ZFPM2: variants seen among roughly 807,000 people sequenced by gnomAD.
The protein encoded by ZFPM2 is zinc finger protein, FOG family member 2.
A neutral mutation model predicts 98.6 loss-of-function variants in ZFPM2; 20 were observed. That is an observed-to-expected ratio of 0.20 (90% CI 0.14 to 0.29). ZFPM2 has a LOEUF of 0.29. ZFPM2 is among the 10% of genes least tolerant of loss of function. The probability of loss-of-function intolerance (pLI) is 1.00; values close to 1 mark genes in which losing one functional copy is unlikely to be tolerated. For synonymous variants in ZFPM2, 518 were observed against 502.7 expected (o/e 1.03, Z -0.41); for missense variants, 1,310 against 1,388.6 (o/e 0.94, Z 0.90).
chr8:105,761,586 A>G (rs780649766), intron 5 of ZFPM2, among the ~76,000 whole-genome samples: 9 of 151,910 alleles, frequency 5.9e-5, no homozygotes, highest in Non-Finnish European at 1.2e-4. Flanking sequence ...TGCCCCAAGA[A>G]TATCAGGATG....
intron 3 of ZFPM2, among the ~76,000 whole-genome samples, chr8:105,506,117 T>C (rs1485558563): frequency 1.3e-5 from 2 of 152,162 alleles, no homozygotes; most frequent in African/African-American, 4.8e-5. Flanking sequence ...ATGTCTCTTA[T>C]CTTTTTTGGC....
intron 3 of ZFPM2, among the ~76,000 whole-genome samples, chr8:105,461,027 T>C (rs1326326685): frequency 6.6e-6 from 1 of 152,068 alleles, no homozygotes; most frequent in East Asian, 1.9e-4. Flanking sequence ...ATTATTCATT[T>C]ATAAAAAAAT....
intron 5 of ZFPM2, chr8:105,662,740 C>T (rs1202268170): frequency 6.6e-6 from 1 of 151,526 alleles, no homozygotes; most frequent in African/African-American, 2.4e-5. Context: ...AAGGATTACT[C>T]AATATACTAA....
intron 2 of ZFPM2, among the ~76,000 whole-genome samples, chr8:105,422,154 T>C (rs1449272905): frequency 6.6e-6 from 1 of 151,022 alleles, no homozygotes; most frequent in African/African-American, 2.4e-5. Context: ...AAAGTATTTT[T>C]AGGCCGGGCG....
At chr8:105,619,978 G>A (rs111703863) in intron 4 of ZFPM2, among the ~76,000 whole-genome samples, 14,883 of 152,114 alleles carry the variant, frequency 0.098, 961 homozygotes, top group Middle Eastern at 0.21. Context: ...TGTGAATAGT[G>A]CTGCAATAAA....
At chr8:105,690,366 G>A (rs1041549420) in intron 5 of ZFPM2, among the ~76,000 whole-genome samples, 4 of 152,112 alleles carry the variant, frequency 2.6e-5, no homozygotes, top group African/African-American at 9.7e-5. Flanking sequence ...CTTAACAATT[G>A]AGGAAACAGA....
chr8:105,416,834 GTT>G (rs1811689097), intron 1 of ZFPM2, among the ~76,000 whole-genome samples: 1 of 152,008 alleles, frequency 6.6e-6, no homozygotes, highest in Non-Finnish European at 1.5e-5. Context: ...CAGCAAGAGA[GTT>G]TTCCATTTTT....
intron 3 of ZFPM2, among the ~76,000 whole-genome samples, chr8:105,444,766 A>G (rs1812333935): frequency 6.6e-6 from 1 of 152,216 alleles, no homozygotes; most frequent in East Asian, 1.9e-4. Context: ...TTTAAATCAT[A>G]GGTTGAACCT....
chr8:105,626,478 T>G (rs1816657444), intron 4 of ZFPM2, among the ~76,000 whole-genome samples: 1 of 152,108 alleles, frequency 6.6e-6, no homozygotes, highest in African/African-American at 2.4e-5. Flanking sequence ...TGTGTAAAAT[T>G]TTGTGTGGTT....
intron 2 of ZFPM2, among the ~76,000 whole-genome samples, chr8:105,442,377 A>C (rs1380286047): frequency 2.6e-5 from 4 of 151,788 alleles, no homozygotes; most frequent in African/African-American, 7.3e-5. Flanking sequence ...AAAAAACAAC[A>C]AAAAAAACTT....
In ZFPM2 at chr8:105,801,165, T is replaced by G; in HGVS notation, c.1083T>G (p.Ala361=). ...ACCTGTTCTCCCATCTCACTCAAGC[T>G]GCCTTCCGATGTAATCACTGCCATT... ...HQHLFSHLTQ[A]AFRCNHCHFG... is the part of the protein sequence containing the mutation. Residue 361 remains alanine, a synonymous_variant, in exon 8 of 8, where the codon GCT becomes GCG. Transcript: ENST00000407775. 6.2e-7 allele frequency: 1 copy of G among 1,613,970 alleles called. No individual in the cohort carries two copies. The highest frequency in any genetic ancestry group is 8.5e-7 in the Non-Finnish European group (1 of 1,179,876).
chr8:105,428,325 T>C (rs76911312), intron 2 of ZFPM2, among the ~76,000 whole-genome samples: 7,452 of 152,280 alleles, frequency 0.049, 619 homozygotes, highest in African/African-American at 0.17. Flanking sequence ...TTAGGGATGT[T>C]CTTAAAATAT....
intron 6 of ZFPM2, among the ~76,000 whole-genome samples, chr8:105,796,552 A>T (rs984059742): frequency 2.6e-5 from 4 of 152,202 alleles, no homozygotes; most frequent in African/African-American, 9.7e-5. Context: ...CTCTATTATT[A>T]TACTTACTAT....
At position 105,587,733 on chromosome 8, in the gene ZFPM2, G is replaced by A. The variant is rs568779945; in HGVS notation, c.420+26252G>A. Among the ~76,000 whole-genome samples, 8 of 152,250 alleles carry A rather than the reference G, an allele frequency of 5.3e-5. No homozygotes were observed. In the South Asian group the frequency reaches 1.7e-3, roughly 32 times the overall value. On this transcript the variant is annotated intron_variant, in intron 4 of 7. Transcript: ENST00000407775. Reference sequence around the variant, plus strand: ...TTATAGGTTAGTTATATGGAATAAAGAGTGTTTCTCAACCTTGGTGCTGCT... The same window carrying A: ...TTATAGGTTAGTTATATGGAATAAAAAGTGTTTCTCAACCTTGGTGCTGCT...
intron 5 of ZFPM2, among the ~76,000 whole-genome samples, chr8:105,700,908 T>C (rs1349777687): frequency 2.6e-5 from 4 of 152,196 alleles, no homozygotes; most frequent in Non-Finnish European, 5.9e-5. Flanking sequence ...TCAGTTCTAA[T>C]ATGACACCAC....
intron 1 of ZFPM2, among the ~76,000 whole-genome samples, chr8:105,321,051 T>C (rs1376320928): frequency 6.6e-6 from 1 of 152,168 alleles, no homozygotes; most frequent in Non-Finnish European, 1.5e-5. Context: ...CTTCTTCCAT[T>C]CCACCGTTAA....
chr8:105,650,935 G>C lies in ZFPM2; in HGVS notation c.532+16578G>C, dbSNP rs372953229. ...TCCTGGATATCCTTTTCTTATGCAA[G>C]CTTCTGCAAAGTTTTCTGACCTCAT... On this transcript the variant is annotated intron_variant, in intron 5 of 7. Coordinates refer to ENST00000407775, the MANE Select transcript of ZFPM2 (RefSeq NM_012082.4). Among the ~76,000 whole-genome samples, 13 of 152,246 alleles carry C rather than the reference G, an allele frequency of 8.5e-5. 1 individual carries two copies. Among genetic ancestry groups the C allele is most frequent in the African/African-American group, 3.1e-4 (13 of 41,552 alleles).
intron 3 of ZFPM2, among the ~76,000 whole-genome samples, chr8:105,554,119 A>C (rs1194150968): frequency 1.3e-5 from 2 of 152,198 alleles, no homozygotes; most frequent in Non-Finnish European, 2.9e-5. Context: ...AATTAGAAAA[A>C]GTATCTCTAT....
chr8:105,797,659 C>T (rs1380115446), intron 6 of ZFPM2, among the ~76,000 whole-genome samples: 1 of 152,192 alleles, frequency 6.6e-6, no homozygotes, highest in Non-Finnish European at 1.5e-5. Flanking sequence ...GCTCCTCTCT[C>T]AGGCTCTCAT....
Sources: gnomAD v4.1 joint callset for allele counts (sites outside exome capture counted in the v4.1 genomes callset) on GRCh38, gnomAD v4.1.1 for gene constraint, MANE v1.5 for transcripts, NCBI Gene and HGNC (gene_info 2026-07-23, HGNC 2026-07-21) for gene names.